Variants in MAP3K5 observed in about 807,000 individuals in gnomAD.
The protein encoded by MAP3K5 is ASK-1.
MAP3K5 carries 56 observed loss-of-function variants against 158.7 expected under a neutral mutation model. That is an observed-to-expected ratio of 0.35 (90% confidence interval 0.28 to 0.44). MAP3K5 has a LOEUF of 0.44. MAP3K5 is among the 20% of genes least tolerant of loss of function. MAP3K5 has a pLI of 1.00. For synonymous variants in MAP3K5, 579 were observed against 601.7 expected (o/e 0.96, Z 0.55); for missense variants, 1,294 against 1,674.8 (o/e 0.77, Z 3.97).
At chr6:136,766,075 G>C (rs1421178017) in intron 1 of MAP3K5, among the ~76,000 whole-genome samples, 1 of 152,170 alleles carries the variant, frequency 6.6e-6, no homozygotes, top group Admixed American at 6.5e-5. Context: ...CTGCACCACA[G>C]GTCATGAGGT....
Position 136,792,150 on chromosome 6 carries a change from G to A in MAP3K5, c.8C>T (p.Thr3Met), listed in dbSNP as rs1220677870. MSTEADEGITFSV... is the reference protein window; with the variant it reads MSMEADEGITFSV... ...GAAAGTGATGCCCTCGTCCGCCTCC[G>A]TGCTCATCTCTCCGGGCCGGGCAGC... The change falls in exon 1 of 30, where the codon ACG becomes ATG. Residue 3 changes from threonine (T) to methionine (M), a missense_variant. Transcript: ENST00000359015. This position sits in a 1 kb window ranked among gnomAD's most constrained non-coding sequence, Gnocchi z 5.7. 3 of 1,563,334 alleles carry A rather than the reference G, an allele frequency of 1.9e-6. No individual in the cohort carries two copies. The highest frequency in any genetic ancestry group is 2.6e-6 in the Non-Finnish European group (3 of 1,157,096).
At chr6:136,599,514 G>C (rs1470050303) in intron 21 of MAP3K5, among the ~76,000 whole-genome samples, 1 of 151,188 alleles carries the variant, frequency 6.6e-6, no homozygotes, top group Non-Finnish European at 1.5e-5. Context: ...ATATATGCAC[G>C]CTCTTGCCAA....
chr6:136,642,632 T>A, intron 11 of MAP3K5, 63 bp from the exon 12 acceptor site: 1 of 1,149,144 alleles, frequency 8.7e-7, no homozygotes, highest in South Asian at 1.3e-5. Flanking sequence ...ACAACAATAA[T>A]TTTGTTTAAT....
intron 21 of MAP3K5, among the ~76,000 whole-genome samples, chr6:136,598,448 C>G (rs1337708551): frequency 1.3e-5 from 2 of 152,190 alleles, no homozygotes; most frequent in Admixed American, 1.3e-4. Flanking sequence ...GTCAATGGCT[C>G]TTTAAAATCA....
At chr6:136,560,536 T>C (rs1476216313) in intron 28 of MAP3K5, among the ~76,000 whole-genome samples, 1 of 152,150 alleles carries the variant, frequency 6.6e-6, no homozygotes, top group Admixed American at 6.5e-5. Context: ...TTATTACAGG[T>C]AAAATATGGT....
chr6:136,663,280 C>T (rs1400704059), intron 8 of MAP3K5, among the ~76,000 whole-genome samples: 5 of 152,206 alleles, frequency 3.3e-5, no homozygotes, highest in African/African-American at 1.2e-4. Context: ...AATAAAACTA[C>T]AATGAATGAC....
intron 1 of MAP3K5, among the ~76,000 whole-genome samples, chr6:136,728,403 A>G (rs535365358): frequency 1.3e-5 from 2 of 152,294 alleles, no homozygotes; most frequent in Non-Finnish European, 2.9e-5. Context: ...AAGTTTGGCA[A>G]GTAGATAACA....
At chr6:136,715,460 T>C (rs970963654) in intron 2 of MAP3K5, among the ~76,000 whole-genome samples, 1 of 152,234 alleles carries the variant, frequency 6.6e-6, no homozygotes, top group Non-Finnish European at 1.5e-5. Flanking sequence ...ACAGATACAG[T>C]TGAAGACTCT....
At position 136,791,989 on chromosome 6, in the gene MAP3K5, C is replaced by G; in HGVS notation, c.169G>C (p.Val57Leu). The G allele has an allele frequency of 3.1e-6, 5 of 1,605,430 alleles. No individual in the cohort carries two copies. The highest frequency in any genetic ancestry group is 4.2e-6 in the Non-Finnish European group (5 of 1,177,290). The part of the protein sequence containing the change: ...PPPPPGSFWN[V>L]ESAAAPGIGC... The stretch of plus-strand genomic sequence containing the variant: ...ATGCCAGGGGCAGCGGCGCTCTCCA[C>G]GTTCCAGAAGCTGCCCGGCGGCGGC... The change falls in exon 1 of 30, where the codon GTG becomes CTG. Residue 57 changes from valine to leucine, a missense_variant. Transcript: ENST00000359015.
chr6:136,659,723 G>A (rs1778921728), intron 8 of MAP3K5, among the ~76,000 whole-genome samples: 2 of 152,054 alleles, frequency 1.3e-5, no homozygotes, highest in African/African-American at 4.8e-5. Context: ...GGGGAAGAAG[G>A]GAATGAGGAC....
At chr6:136,585,587 C>T (rs1053049347) in intron 23 of MAP3K5, among the ~76,000 whole-genome samples, 1 of 151,750 alleles carries the variant, frequency 6.6e-6, no homozygotes, top group Admixed American at 6.6e-5. Flanking sequence ...ACAACCTCTG[C>T]CTCCCAACTT....
Position 136,557,844 on chromosome 6 carries a change from G to A in MAP3K5, c.4065-26C>T, listed in dbSNP as rs529730213. 7.8e-5 allele frequency: 117 copies of A among 1,494,630 alleles called. 1 individual carries two copies. The South Asian group carries it at 1.2e-3, about 15-fold the overall frequency. 92.6% of individuals were successfully genotyped at this position (1,494,630 alleles called of 1,614,324 possible). A position where few individuals can be genotyped will look rare whatever the true frequency, so the allele number is the denominator to read the frequency against. On this transcript the variant is annotated intron_variant, in intron 29 of 29. Transcript: ENST00000359015. ...CTGTTTAAAGACACAAGAACATGGT[G>A]AAACGAACATTTCATTTGAAACATT...
chr6:136,774,306 T>C (rs1178377164), intron 1 of MAP3K5, among the ~76,000 whole-genome samples: 1 of 152,014 alleles, frequency 6.6e-6, no homozygotes, highest in African/African-American at 2.4e-5. Context: ...AATTAAAAAA[T>C]TAGCCAGCAT....
chr6:136,694,826 T>C (rs1337277866), intron 6 of MAP3K5, among the ~76,000 whole-genome samples: 4 of 152,240 alleles, frequency 2.6e-5, no homozygotes, highest in East Asian at 1.9e-4. Context: ...AGTTGCTTTA[T>C]GTAGCATGCT....
chr6:136,743,421 G>A (rs1782800177), intron 1 of MAP3K5, among the ~76,000 whole-genome samples: 1 of 152,116 alleles, frequency 6.6e-6, no homozygotes, highest in African/African-American at 2.4e-5. Context: ...CTGCACTCCA[G>A]CCTGGGTAAC....
chr6:136,680,470 C>T (rs1779885913), intron 7 of MAP3K5, among the ~76,000 whole-genome samples: 1 of 152,168 alleles, frequency 6.6e-6, no homozygotes, highest in Non-Finnish European at 1.5e-5. Flanking sequence ...CCATAAAGTT[C>T]AGTGTCATGA....
chr6:136,681,786 G>GC (rs912838680), intron 7 of MAP3K5, among the ~76,000 whole-genome samples: 3 of 152,168 alleles, frequency 2.0e-5, no homozygotes, highest in African/African-American at 7.2e-5. Context: ...GGGTGTGGTG[G>GC]CGGGCGCCTG....
chr6:136,632,814 C>T (rs576373082), intron 14 of MAP3K5, among the ~76,000 whole-genome samples: 11 of 152,110 alleles, frequency 7.2e-5, no homozygotes, highest in African/African-American at 2.4e-4. Context: ...ACAATGGAGA[C>T]CAAGGCTGGT....
intron 1 of MAP3K5, among the ~76,000 whole-genome samples, chr6:136,741,923 G>T (rs541629664): frequency 6.6e-6 from 1 of 152,130 alleles, no homozygotes; most frequent in East Asian, 1.9e-4. Context: ...AAGTACTTAG[G>T]TATAAATCTC....
Sources: gnomAD v4.1 joint callset for allele counts (sites outside exome capture counted in the v4.1 genomes callset) on GRCh38, gnomAD v4.1.1 for gene constraint, Gnocchi (gnomAD v3.1) non-coding constraint, MANE v1.5 for transcripts, NCBI Gene and HGNC (gene_info 2026-07-23, HGNC 2026-07-21) for gene names.